The following FHIT variants were observed in gnomAD, a reference collection of about 807,000 sequenced individuals.
FHIT encodes the protein fragile histidine triad diadenosine triphosphatase.
A neutral mutation model predicts 17.9 loss-of-function variants in FHIT; 19 were observed. The ratio of observed to expected loss-of-function variants is 1.06; its 90% CI spans 0.74 to 1.56. FHIT has a LOEUF of 1.56. Among genes scored for constraint, FHIT ranks in the 40% most tolerant of loss-of-function variants. The pLI is 0.00. For missense variants in FHIT, 248 were observed against 189.2 expected (o/e 1.31, Z -1.82); for synonymous variants, 81 against 69.7 (o/e 1.16, Z -0.81).
intron 5 of FHIT, among the ~76,000 whole-genome samples, chr3:60,373,337 T>C (rs747893469): frequency 1.3e-5 from 2 of 152,102 alleles, no homozygotes; most frequent in South Asian, 2.1e-4. Flanking sequence ...AATTTGAAAA[T>C]GGCTTGGTAA....
intron 3 of FHIT, among the ~76,000 whole-genome samples, chr3:60,864,586 G>T (rs1232746253): frequency 6.6e-6 from 1 of 152,060 alleles, no homozygotes; most frequent in Non-Finnish European, 1.5e-5. Flanking sequence ...TCTGGAACAG[G>T]GCTCTGTATT....
At chr3:60,940,664 G>A (rs1374966151) in intron 3 of FHIT, among the ~76,000 whole-genome samples, 1 of 152,062 alleles carries the variant, frequency 6.6e-6, no homozygotes, top group Non-Finnish European at 1.5e-5. Context: ...TAATAGTCAG[G>A]TTCTTAGAAT....
chr3:61,101,132 G>T (rs1474994271), intron 2 of FHIT, among the ~76,000 whole-genome samples: 2 of 152,154 alleles, frequency 1.3e-5, no homozygotes, highest in African/African-American at 2.4e-5. Context: ...GAAACTCTTT[G>T]CCCATGCCTA....
intron 3 of FHIT, among the ~76,000 whole-genome samples, chr3:60,938,368 A>ATACCAGGCTTCT (rs1553773655): frequency 1.9e-4 from 29 of 152,212 alleles, no homozygotes; most frequent in Admixed American, 8.5e-4. Flanking sequence ...ACCAGGCTTC[A>ATACCAGGCTTCT]GCCCCCTTGG....
At chr3:61,051,646 T>C (rs2034031966) in intron 2 of FHIT, among the ~76,000 whole-genome samples, 1 of 152,172 alleles carries the variant, frequency 6.6e-6, no homozygotes, top group African/African-American at 2.4e-5. Flanking sequence ...TGACAGGCCC[T>C]GGAAATGTTT....
chr3:60,269,332 C>G (rs1337902590), intron 5 of FHIT, among the ~76,000 whole-genome samples: 1 of 152,140 alleles, frequency 6.6e-6, no homozygotes, highest in African/African-American at 2.4e-5. Context: ...TTTTCCTGTC[C>G]ATTCATTTGA....
chr3:60,405,467 A>T lies in FHIT; in HGVS notation c.103+131393T>A, dbSNP rs532714611. On this transcript the variant is annotated intron_variant, in intron 5 of 9. Coordinates refer to ENST00000492590, the MANE Select transcript of FHIT (RefSeq NM_002012.4). ...CCACTGAAAGCTGTTTCAATGCTCA[A>T]TGAAATTCTTCTCTGACCTCCTCAC... 2.8e-4 allele frequency among the ~76,000 whole-genome samples: 43 copies of T among 152,296 alleles called. 3 individuals carry two copies. In the South Asian group the frequency reaches 6.2e-3, roughly 22 times the overall value.
chr3:60,148,310 G>T (rs1700323440), intron 5 of FHIT, among the ~76,000 whole-genome samples: 1 of 152,134 alleles, frequency 6.6e-6, no homozygotes, highest in African/African-American at 2.4e-5. Flanking sequence ...TTTCAAACTG[G>T]ATGATAGTAC....
intron 7 of FHIT, among the ~76,000 whole-genome samples, chr3:59,987,672 C>T (rs58526463): frequency 0.11 from 16,993 of 151,940 alleles, 1,059 homozygotes; most frequent in South Asian, 0.19. Flanking sequence ...GCTTAATATG[C>T]ACTTTTTTTT....
At chr3:59,977,627 T>C (rs562793197) in intron 7 of FHIT, among the ~76,000 whole-genome samples, 7 of 152,322 alleles carry the variant, frequency 4.6e-5, no homozygotes, top group South Asian at 2.1e-4. Flanking sequence ...GTCAGCCGCG[T>C]TGCAGTCATT....
chr3:61,207,277 T>A (rs1227533428), intron 1 of FHIT, among the ~76,000 whole-genome samples: 1 of 152,120 alleles, frequency 6.6e-6, no homozygotes, highest in Non-Finnish European at 1.5e-5. Flanking sequence ...GATCTAAAAT[T>A]CTCTTTTTTT....
intron 7 of FHIT, among the ~76,000 whole-genome samples, chr3:59,935,671 G>T (rs1706199484): frequency 6.6e-6 from 1 of 151,806 alleles, no homozygotes. Flanking sequence ...TGATGGATGG[G>T]TGAATGGATG....
At chr3:60,636,826 C>T (rs2039599477) in intron 4 of FHIT, among the ~76,000 whole-genome samples, 1 of 152,166 alleles carries the variant, frequency 6.6e-6, no homozygotes. Context: ...TTTATTCAAT[C>T]ATTCACAGAA....
intron 5 of FHIT, among the ~76,000 whole-genome samples, chr3:60,360,360 A>T (rs1339426201): frequency 6.6e-6 from 1 of 152,148 alleles, no homozygotes; most frequent in Admixed American, 6.5e-5. Context: ...AAAGGAAAAT[A>T]ATGCTAAGAA....
intron 8 of FHIT, among the ~76,000 whole-genome samples, chr3:59,913,531 C>A (rs1001412688): frequency 6.6e-6 from 1 of 151,918 alleles, no homozygotes; most frequent in Non-Finnish European, 1.5e-5. Flanking sequence ...ACAGTCCAGC[C>A]CAATGTGTAT....
intron 4 of FHIT, among the ~76,000 whole-genome samples, chr3:60,551,175 G>A (rs541892668): frequency 6.6e-6 from 1 of 152,036 alleles, no homozygotes; most frequent in South Asian, 2.1e-4. Context: ...CAAGGCAGAG[G>A]TGAGGAGATG....
chr3:59,795,677 T>C (rs1005682141), intron 8 of FHIT, among the ~76,000 whole-genome samples: 13 of 151,456 alleles, frequency 8.6e-5, no homozygotes, highest in Non-Finnish European at 1.5e-4. Flanking sequence ...CGGTGAGCTA[T>C]GATTGCACCA....
chr3:60,328,402 A>C (rs79451278), intron 5 of FHIT, among the ~76,000 whole-genome samples: 3 of 152,356 alleles, frequency 2.0e-5, no homozygotes, highest in African/African-American at 7.2e-5. Context: ...GAGGCCTTAC[A>C]ATCATGGAGG....
At chr3:60,663,523 T>A (rs1361354356) in intron 4 of FHIT, among the ~76,000 whole-genome samples, 1 of 151,888 alleles carries the variant, frequency 6.6e-6, no homozygotes, top group Non-Finnish European at 1.5e-5. Flanking sequence ...GCAACCTCCA[T>A]CTCCTAGGTT....
Sources: gnomAD v4.1 joint callset for allele counts (sites outside exome capture counted in the v4.1 genomes callset) on GRCh38, gnomAD v4.1.1 for gene constraint, MANE v1.5 for transcripts, NCBI Gene and HGNC (gene_info 2026-07-23, HGNC 2026-07-21) for gene names.